The following CD48 variants were observed in gnomAD, a reference collection of about 807,000 sequenced individuals.
CD48 encodes CD48 antigen.
CD48 carries 20 observed loss-of-function variants against 22.0 expected under a neutral mutation model. That is an observed-to-expected ratio of 0.91 (90% CI 0.64 to 1.32). The LOEUF (loss-of-function observed/expected upper bound fraction) is 1.32, where lower values mean the gene tolerates loss of function less well. CD48 is among the 40% of genes most tolerant of loss of function. The probability of loss-of-function intolerance (pLI) is 0.00; values close to 1 mark genes in which losing one functional copy is unlikely to be tolerated. For synonymous variants in CD48, 110 were observed against 110.1 expected (o/e 1.00, Z 0.01); for missense variants, 307 against 286.5 (o/e 1.07, Z -0.52).
chr1:160,686,029 G>A (rs1320409559), intron 1 of CD48, among the ~76,000 whole-genome samples: 3 of 152,182 alleles, frequency 2.0e-5, no homozygotes, highest in Non-Finnish European at 1.5e-5. Context: ...TTCCTCCCGT[G>A]TGTGGGTCAG....
Position 160,681,479 on chromosome 1 carries a change from G to GA in CD48, c.386-12_386-11insT. On this transcript the variant is annotated splice_polypyrimidine_tract_variant and intron_variant, in intron 2 of 3. Coordinates refer to ENST00000368046, the MANE Select transcript of CD48 (RefSeq NM_001778.4). Reference sequence around the variant, plus strand: ...GCTTGGGTACAGGGTCTGAAAGTGAGGAGGATGTTATAAGATGAGACAGTG... The same window carrying GA: ...GCTTGGGTACAGGGTCTGAAAGTGAGAGAGGATGTTATAAGATGAGACAGTG... 1 of 1,612,368 alleles carries GA rather than the reference G, an allele frequency of 6.2e-7. No homozygotes were observed. The highest frequency in any genetic ancestry group is 1.1e-5 in the South Asian group (1 of 90,812).
In CD48 at chr1:160,679,720, G is replaced by A. The variant is rs140431138; in HGVS notation, c.653-589C>T. On this transcript the variant is annotated intron_variant, in intron 3 of 3. Coordinates refer to ENST00000368046, the MANE Select transcript of CD48 (RefSeq NM_001778.4). Reference sequence around the variant, plus strand: ...TGAGGGGGCTTTCTAGGATAATTTCGGTGACTAAAAAGTGACAGATGGGTT... The same window carrying A: ...TGAGGGGGCTTTCTAGGATAATTTCAGTGACTAAAAAGTGACAGATGGGTT... 5.3e-5 allele frequency among the ~76,000 whole-genome samples: 8 copies of A among 152,112 alleles called. No individual in the cohort carries two copies. In the East Asian group the frequency reaches 1.5e-3, roughly 29 times the overall value.
chr1:160,708,846 C>A (rs918290206), intron 1 of CD48, among the ~76,000 whole-genome samples: 3 of 152,060 alleles, frequency 2.0e-5, no homozygotes, highest in Non-Finnish European at 4.4e-5. Flanking sequence ...TGGAATACAC[C>A]GGAAGTGTGA....
At chr1:160,701,751 A>G (rs1662637111) in intron 1 of CD48, among the ~76,000 whole-genome samples, 1 of 152,146 alleles carries the variant, frequency 6.6e-6, no homozygotes, top group Admixed American at 6.5e-5. Context: ...AAGCAAGATA[A>G]ATGTGCTCTG....
At chr1:160,702,134 A>C (rs750888561) in intron 1 of CD48, among the ~76,000 whole-genome samples, 2 of 152,156 alleles carry the variant, frequency 1.3e-5, no homozygotes, top group Non-Finnish European at 2.9e-5. Context: ...GACCAGTATG[A>C]ATGGTGAATC....
intron 3 of CD48, chr1:160,680,944 G>A (rs1396728283): frequency 3.0e-5 from 43 of 1,433,228 alleles, no homozygotes; most frequent in Non-Finnish European, 3.8e-5. Flanking sequence ...TAGAGCGGGA[G>A]AGGGAAGAGG....
chr1:160,684,668 T>G (rs1304765377), intron 2 of CD48: 2 of 1,399,286 alleles, frequency 1.4e-6, no homozygotes, highest in African/African-American at 2.9e-5. Flanking sequence ...ACTCACTAAC[T>G]TCAGAAGAGG....
At chr1:160,700,044 A>G (rs552980560) in intron 1 of CD48, among the ~76,000 whole-genome samples, 2 of 152,272 alleles carry the variant, frequency 1.3e-5, no homozygotes, top group South Asian at 4.1e-4. Context: ...GTTTGGGGAA[A>G]TCCTGTAAGG....
At chr1:160,682,053 T>A (rs1661826259) in intron 2 of CD48, among the ~76,000 whole-genome samples, 1 of 152,232 alleles carries the variant, frequency 6.6e-6, no homozygotes, top group African/African-American at 2.4e-5. Context: ...CAGATTGGTC[T>A]GCTAACTTTG....
At chr1:160,700,965 A>C (rs1433624745) in intron 1 of CD48, among the ~76,000 whole-genome samples, 1 of 152,068 alleles carries the variant, frequency 6.6e-6, no homozygotes, top group East Asian at 1.9e-4. Context: ...AGCAATTAAA[A>C]TATCATCAAT....
rs1661943145 is a variant in CD48, at chr1:160,684,965, CCT to C, written c.305_306del (p.Glu102GlyfsTer16). The part of the protein sequence containing the change: ...GALYISKVQK[E>X]DNSTYIMRVL... ...ACCCTCATGATGTAGGTGCTGTTGTCCTCTTTCTGGACCTTAGAGATGTACAG... is the reference window on the plus strand; with the variant it reads ...ACCCTCATGATGTAGGTGCTGTTGTCCTTTCTGGACCTTAGAGATGTACAG... On this transcript the variant is annotated frameshift_variant, in exon 2 of 4. Transcript: ENST00000368046. LOFTEE classifies it high-confidence loss of function. The C allele has an allele frequency of 6.2e-7, 1 of 1,613,998 alleles. No homozygotes were observed. The highest frequency in any genetic ancestry group is 1.3e-5 in the African/African-American group (1 of 74,874).
intron 1 of CD48, among the ~76,000 whole-genome samples, chr1:160,697,073 A>G (rs1334280226): frequency 2.0e-5 from 3 of 152,192 alleles, no homozygotes; most frequent in Non-Finnish European, 4.4e-5. Flanking sequence ...AAATTTTTTA[A>G]ACATTTATAG....
At chr1:160,697,282 C>A (rs899410356) in intron 1 of CD48, among the ~76,000 whole-genome samples, 1 of 152,306 alleles carries the variant, frequency 6.6e-6, no homozygotes, top group African/African-American at 2.4e-5. Flanking sequence ...ATTTGAAGTT[C>A]TACAATGAAC....
chr1:160,689,857 G>C (rs1662140105), intron 1 of CD48, among the ~76,000 whole-genome samples: 1 of 152,116 alleles, frequency 6.6e-6, no homozygotes, highest in African/African-American at 2.4e-5. Flanking sequence ...ATTGTGCCAG[G>C]TTCCTAGGTA....
At position 160,682,718 on chromosome 1, in the gene CD48, T is replaced by C. The variant is rs1661856306; in HGVS notation, c.386-1250A>G. Among the ~76,000 whole-genome samples the C allele has an allele frequency of 3.9e-5, 6 of 152,314 alleles. No homozygotes were observed. The South Asian group carries it at 1.0e-3, about 26-fold the overall frequency. On this transcript the variant is annotated intron_variant, in intron 2 of 3. Transcript: ENST00000368046. ...TAGTAAGATAAAACGTCACCTGTCA[T>C]GGATAATTGCTTTTTGAAGAGTGTA...
chr1:160,679,794 G>T (rs934077272), intron 3 of CD48, among the ~76,000 whole-genome samples: 1 of 152,164 alleles, frequency 6.6e-6, no homozygotes, highest in African/African-American at 2.4e-5. Flanking sequence ...CCTCTCTTCG[G>T]ATGAACAGTC....
chr1:160,694,034 C>T, intron 1 of CD48, among the ~76,000 whole-genome samples: 1 of 152,192 alleles, frequency 6.6e-6, no homozygotes, highest in East Asian at 1.9e-4. Context: ...TGGCCCGCTG[C>T]CTGAGGAGAC....
chr1:160,691,162 G>A (rs925913748), intron 1 of CD48, among the ~76,000 whole-genome samples: 10 of 152,132 alleles, frequency 6.6e-5, no homozygotes, highest in East Asian at 3.9e-4. Flanking sequence ...ATATGGCCTC[G>A]TGGGAAGGGA....
At chr1:160,692,897 T>C (rs1662279127) in intron 1 of CD48, among the ~76,000 whole-genome samples, 1 of 152,254 alleles carries the variant, frequency 6.6e-6, no homozygotes, top group East Asian at 1.9e-4. Context: ...ATTATTAGAT[T>C]CCATTGCTCA....
Sources: allele counts gnomAD v4.1 joint callset (sites outside exome capture counted in the v4.1 genomes callset), GRCh38; gene constraint gnomAD v4.1.1; transcripts MANE v1.5; gene names NCBI Gene and HGNC (gene_info 2026-07-23, HGNC 2026-07-21).